The following PPP2R5E variants were observed in gnomAD, a reference collection of about 807,000 sequenced individuals.
PPP2R5E encodes serine/threonine-protein phosphatase 2A 56 kDa regulatory subunit epsilon isoform.
PPP2R5E carries 4 observed loss-of-function variants against 65.3 expected under a neutral mutation model. That is an observed-to-expected ratio of 0.06 (90% CI 0.03 to 0.14). The LOEUF is 0.14. Among genes scored for constraint, PPP2R5E ranks in the 10% least tolerant of loss-of-function variants. The pLI is 1.00. For synonymous variants in PPP2R5E, 183 were observed against 187.4 expected (o/e 0.98, Z 0.19); for missense variants, 274 against 556.1 (o/e 0.49, Z 5.10).
intron 2 of PPP2R5E, among the ~76,000 whole-genome samples, chr14:63,520,356 C>G (rs986645524): frequency 6.6e-6 from 1 of 152,164 alleles, no homozygotes; most frequent in African/African-American, 2.4e-5. Context: ...TATCAACCTG[C>G]CTGCCCTGTC....
At chr14:63,515,646 G>A (rs1255755) in intron 2 of PPP2R5E, among the ~76,000 whole-genome samples, 4,716 of 148,696 alleles carry the variant, frequency 0.032, 244 homozygotes, top group African/African-American at 0.11. Flanking sequence ...TCAGCCTCCC[G>A]AGTAGCTGGG....
chr14:63,401,956 C>T (rs2139819853), intron 5 of PPP2R5E, among the ~76,000 whole-genome samples: 1 of 151,820 alleles, frequency 6.6e-6, no homozygotes, highest in South Asian at 2.1e-4. Flanking sequence ...AACAGGAGGA[C>T]TGGTTGAAAG....
At chr14:63,417,430 C>T (rs74060079) in intron 4 of PPP2R5E, among the ~76,000 whole-genome samples, 7,940 of 150,830 alleles carry the variant, frequency 0.053, 470 homozygotes, top group African/African-American at 0.14. Context: ...AATACCCAAG[C>T]CTGAATAATC....
At chr14:63,424,843 A>G (rs1887246103) in intron 3 of PPP2R5E, among the ~76,000 whole-genome samples, 1 of 152,172 alleles carries the variant, frequency 6.6e-6, no homozygotes, top group African/African-American at 2.4e-5. Context: ...AGCAGGGGAT[A>G]ATAGAAAAGA....
At chr14:63,426,261 G>A (rs1887327724) in intron 3 of PPP2R5E, among the ~76,000 whole-genome samples, 1 of 152,062 alleles carries the variant, frequency 6.6e-6, no homozygotes. Context: ...ACTAATCCAA[G>A]ACAAGAGTGA....
chr14:63,495,240 T>C (rs1891489843), intron 2 of PPP2R5E, among the ~76,000 whole-genome samples: 2 of 146,194 alleles, frequency 1.4e-5, no homozygotes, highest in East Asian at 2.1e-4. Flanking sequence ...AAAATATATA[T>C]AGTGAGAGAG....
At chr14:63,529,219 A>G (rs1448458470) in intron 2 of PPP2R5E, among the ~76,000 whole-genome samples, 1 of 152,142 alleles carries the variant, frequency 6.6e-6, no homozygotes, top group Non-Finnish European at 1.5e-5. Flanking sequence ...GCGTCCTCCC[A>G]AAGTGCTGGG....
intron 2 of PPP2R5E, among the ~76,000 whole-genome samples, chr14:63,480,791 A>C (rs2139594033): frequency 6.6e-6 from 1 of 152,188 alleles, no homozygotes; most frequent in Non-Finnish European, 1.5e-5. Flanking sequence ...ACCAGCCTGA[A>C]ATCTTGTCTG....
intron 5 of PPP2R5E, among the ~76,000 whole-genome samples, chr14:63,400,436 T>TC (rs1012348992): frequency 2.6e-5 from 4 of 152,154 alleles, no homozygotes; most frequent in African/African-American, 9.7e-5. Flanking sequence ...ATATGAGTGC[T>TC]CCTCACAGGT....
At chr14:63,511,852 G>A (rs1219504045) in intron 2 of PPP2R5E, among the ~76,000 whole-genome samples, 1 of 152,056 alleles carries the variant, frequency 6.6e-6, no homozygotes, top group Non-Finnish European at 1.5e-5. Flanking sequence ...GCCGAGGTGA[G>A]TGGATCACAT....
chr14:63,522,573 G>T (rs1259109065), intron 2 of PPP2R5E, among the ~76,000 whole-genome samples: 1 of 150,198 alleles, frequency 6.7e-6, no homozygotes, highest in East Asian at 2.0e-4. Flanking sequence ...CGTCTGAGAT[G>T]TGGGGAGCGC....
At chr14:63,483,071 G>A (rs533907762) in intron 2 of PPP2R5E, among the ~76,000 whole-genome samples, 44 of 152,308 alleles carry the variant, frequency 2.9e-4, no homozygotes, top group Admixed American at 2.8e-3. Flanking sequence ...TTGGGAAGCT[G>A]AGGCAGGCAG....
At chr14:63,386,922 T>G (rs1411884136) in intron 11 of PPP2R5E, among the ~76,000 whole-genome samples, 2 of 108,786 alleles carry the variant, frequency 1.8e-5, no homozygotes, top group Non-Finnish European at 3.4e-5. Flanking sequence ...AGACTCCATC[T>G]CAAAAAAAAA....
rs74060070 is a variant in PPP2R5E at position 63,396,529 on chromosome 14, A to C, written c.680+57T>G. On this transcript the variant is annotated intron_variant, in intron 6 of 13. Coordinates refer to ENST00000337537, the MANE Select transcript of PPP2R5E (RefSeq NM_006246.5). ...TTTTCAGATATTTGAGATTTACTTAATACTCATAAAAACACCAACTTTGCT... is the reference window on the plus strand; with the variant it reads ...TTTTCAGATATTTGAGATTTACTTACTACTCATAAAAACACCAACTTTGCT... 7.6e-5 allele frequency: 120 copies of C among 1,583,332 alleles called. No homozygotes were observed. The African/African-American group carries it at 1.6e-3, about 21-fold the overall frequency.
intron 3 of PPP2R5E, among the ~76,000 whole-genome samples, chr14:63,439,634 A>G (rs1315873263): frequency 6.6e-6 from 1 of 152,152 alleles, no homozygotes; most frequent in African/African-American, 2.4e-5. Flanking sequence ...TCGGCCTCCC[A>G]AAGTGCTGGG....
At chr14:63,433,162 C>T (rs1887782028) in intron 3 of PPP2R5E, among the ~76,000 whole-genome samples, 2 of 151,526 alleles carry the variant, frequency 1.3e-5, no homozygotes, top group South Asian at 4.2e-4. Flanking sequence ...CTCAGCCCCG[C>T]AAGTAGCTGG....
chr14:63,525,442 A>T (rs564181559), intron 2 of PPP2R5E, among the ~76,000 whole-genome samples: 1 of 152,352 alleles, frequency 6.6e-6, no homozygotes, highest in East Asian at 1.9e-4. Flanking sequence ...AGAATCAAAA[A>T]TCAGGAAAGA....
intron 4 of PPP2R5E, among the ~76,000 whole-genome samples, chr14:63,420,849 G>A (rs1027367399): frequency 3.0e-5 from 3 of 101,400 alleles, no homozygotes; most frequent in Admixed American, 9.0e-5. Context: ...TCAAGAGATC[G>A]AGACCATCCC....
In PPP2R5E at chr14:63,433,032, G is replaced by GTTTTTT. The variant is rs747571866; in HGVS notation, c.355-10944_355-10939dup. Among the ~76,000 whole-genome samples the GTTTTTT allele has an allele frequency of 3.4e-3, 325 of 96,408 alleles. 2 individuals carry two copies. The highest frequency in any genetic ancestry group is 6.1e-3 in the East Asian group (19 of 3,124). The allele number at this position is 96,408 out of a possible 152,430, so 63.2% of individuals were successfully genotyped here. On this transcript the variant is annotated intron_variant, in intron 3 of 13. Transcript: ENST00000337537. ...ACAGTTTTGTTTTTTGTTTTGTTTT[G>GTTTTTT]TTTTTTTTTTTTTTTTTTTTTTTGA...
Sources: allele counts gnomAD v4.1 joint callset (sites outside exome capture counted in the v4.1 genomes callset), GRCh38; gene constraint gnomAD v4.1.1; transcripts MANE v1.5; gene names NCBI Gene and HGNC (gene_info 2026-07-23, HGNC 2026-07-21).